Variants in C13orf46 observed in about 807,000 individuals in gnomAD.
C13orf46 encodes the protein chromosome 13 open reading frame 46, also known as uncharacterized protein C13orf46.
intron 5 of C13orf46, among the ~76,000 whole-genome samples, chr13:113,966,084 A>ACGG (rs2052641397): frequency 7.2e-6 from 1 of 138,614 alleles, no homozygotes; most frequent in Non-Finnish European, 1.5e-5. Flanking sequence ...TGATGTGATG[A>ACGG]TGGTATTAAT....
chr13:113,951,367 G>A (rs987884479), downstream of C13orf46, among the ~76,000 whole-genome samples: 1 of 152,194 alleles, frequency 6.6e-6, no homozygotes, highest in African/African-American at 2.4e-5. Flanking sequence ...GAGCCGGGCG[G>A]GGCCTTTGCT....
intron 6 of C13orf46, among the ~76,000 whole-genome samples, chr13:113,957,770 A>G (rs1350031113): frequency 5.2e-3 from 217 of 41,442 alleles, no homozygotes; most frequent in Admixed American, 8.4e-3. Context: ...GCGCACTGGG[A>G]GTTCTCCCCT....
At chr13:113,965,503 CTCT>C (rs1460431750) in intron 5 of C13orf46, among the ~76,000 whole-genome samples, 4 of 152,166 alleles carry the variant, frequency 2.6e-5, no homozygotes, top group African/African-American at 4.8e-5. Flanking sequence ...TTAAGTCAGC[CTCT>C]TCTTCTTACA....
At chr13:113,944,387 G>C in the C13orf46 span, among the ~76,000 whole-genome samples, 1 of 152,250 alleles carries the variant, frequency 6.6e-6, no homozygotes, top group African/African-American at 2.4e-5. Flanking sequence ...GCCAGGGCAG[G>C]TTGCTGCTGG....
At chr13:113,958,723 T>A (rs1314243904) in intron 6 of C13orf46, among the ~76,000 whole-genome samples, 4 of 152,210 alleles carry the variant, frequency 2.6e-5, no homozygotes, top group Non-Finnish European at 5.9e-5. Context: ...AAAGCTTTTT[T>A]TTCCTTAATT....
chr13:113,928,563 C>CAAGTGTGGGAAT, the C13orf46 span: 2 of 152,582 alleles, frequency 1.3e-5, no homozygotes, highest in African/African-American at 4.8e-5. Context: ...CCACACCCCA[C>CAAGTGTGGGAAT]CCTCGCTGCA....
At chr13:113,960,289 CATT>C (rs2138981725) in intron 6 of C13orf46, among the ~76,000 whole-genome samples, 1 of 152,246 alleles carries the variant, frequency 6.6e-6, no homozygotes, top group South Asian at 2.1e-4. Flanking sequence ...ATTAAATATA[CATT>C]AATACAAAAC....
At chr13:113,938,474 GCTCT>G in the C13orf46 span, among the ~76,000 whole-genome samples, 3 of 152,130 alleles carry the variant, frequency 2.0e-5, no homozygotes, top group Non-Finnish European at 2.9e-5. Flanking sequence ...TCTTCAAATT[GCTCT>G]CTCTTTGACC....
At chr13:113,940,278 C>A in the C13orf46 span, among the ~76,000 whole-genome samples, 1 of 152,252 alleles carries the variant, frequency 6.6e-6, no homozygotes, top group Non-Finnish European at 1.5e-5. Flanking sequence ...CTAGACCCTG[C>A]GGTGCTGCCG....
chr13:113,958,249 C>T (rs1372478135), intron 6 of C13orf46, among the ~76,000 whole-genome samples: 1 of 151,480 alleles, frequency 6.6e-6, no homozygotes, highest in Non-Finnish European at 1.5e-5. Context: ...TCATCAAGTG[C>T]ACTGGGGGTC....
chr13:113,941,825 C>T, the C13orf46 span, among the ~76,000 whole-genome samples: 11 of 152,226 alleles, frequency 7.2e-5, no homozygotes, highest in African/African-American at 2.4e-4. Flanking sequence ...CGAGGTCTGC[C>T]CTAGGCCTCC....
At chr13:113,965,580 T>G (rs1418197737) in intron 5 of C13orf46, among the ~76,000 whole-genome samples, 3 of 149,758 alleles carry the variant, frequency 2.0e-5, no homozygotes, top group East Asian at 2.2e-4. Context: ...TGATGATGAT[T>G]ATAATGGTGG....
At chr13:113,965,727 G>A (rs2052630381) in intron 5 of C13orf46, among the ~76,000 whole-genome samples, 1 of 140,762 alleles carries the variant, frequency 7.1e-6, no homozygotes, top group Non-Finnish European at 1.5e-5. Context: ...TGGTGGTGAT[G>A]ATGGTGAAGG....
the C13orf46 span, among the ~76,000 whole-genome samples, chr13:113,933,451 CTG>C: frequency 6.6e-6 from 1 of 152,168 alleles, no homozygotes; most frequent in Non-Finnish European, 1.5e-5. Flanking sequence ...TTCTTCAACT[CTG>C]TTCTTTTTTA....
the C13orf46 span, among the ~76,000 whole-genome samples, chr13:113,940,230 G>C: frequency 6.6e-6 from 1 of 152,236 alleles, no homozygotes; most frequent in Non-Finnish European, 1.5e-5. Flanking sequence ...CGTTTCCCCG[G>C]AAGCGAAGAG....
the C13orf46 span, among the ~76,000 whole-genome samples, chr13:113,945,745 C>A: frequency 6.6e-6 from 1 of 152,186 alleles, no homozygotes; most frequent in Admixed American, 6.5e-5. Flanking sequence ...CTCTAGTAAA[C>A]GAAAATGTAG....
chr13:113,945,123 A>C, the C13orf46 span, among the ~76,000 whole-genome samples: 1 of 142,670 alleles, frequency 7.0e-6, no homozygotes, highest in Non-Finnish European at 1.5e-5. Flanking sequence ...TGTGCGAAGG[A>C]CCCTCCAGGT....
At position 113,955,142 on chromosome 13, in the gene C13orf46, G is replaced by T; in HGVS notation, c.*1631C>A. 1 of 231,990 alleles carries T rather than the reference G, an allele frequency of 4.3e-6. No individual in the cohort carries two copies. Among genetic ancestry groups the T allele is most frequent in the Non-Finnish European group, 8.3e-6 (1 of 119,782 alleles). 14.4% of individuals were successfully genotyped at this position (231,990 alleles called of 1,614,324 possible). On this transcript the variant is annotated 3_prime_UTR_variant, in exon 7 of 7. Coordinates refer to ENST00000636427, the MANE Select transcript of C13orf46 (RefSeq NM_001365455.2). ...AGCTGGTGGAGACGAGGAGCATCCG[G>T]TGGAGATGAGGAGCATCTCGAGGAG... is the stretch of plus-strand genomic sequence containing the variant.
the C13orf46 span, among the ~76,000 whole-genome samples, chr13:113,944,454 G>T: frequency 6.6e-6 from 1 of 152,226 alleles, no homozygotes. Flanking sequence ...TCCTTACACC[G>T]CACTGACAAT....
Sources: gnomAD v4.1 joint callset for allele counts (sites outside exome capture counted in the v4.1 genomes callset) on GRCh38, gnomAD v4.1.1 for gene constraint, MANE v1.5 for transcripts, NCBI Gene and HGNC (gene_info 2026-07-23, HGNC 2026-07-21) for gene names.